The following MBNL1 variants were observed in gnomAD, a reference collection of about 807,000 sequenced individuals.
MBNL1 encodes muscleblind-like protein 1.
A neutral mutation model predicts 42.2 loss-of-function variants in MBNL1; 8 were observed. The ratio of observed to expected loss-of-function variants is 0.19; its 90% CI spans 0.11 to 0.34. The LOEUF (loss-of-function observed/expected upper bound fraction) is 0.34. MBNL1 is among the 10% of genes least tolerant of loss of function. MBNL1 has a pLI of 1.00. For missense variants in MBNL1, 309 were observed against 495.3 expected (o/e 0.62, Z 3.57); for synonymous variants, 169 against 173.9 (o/e 0.97, Z 0.22).
chr3:152,458,708 G>A (rs939378371), intron 8 of MBNL1: 1 of 154,832 alleles, frequency 6.5e-6, no homozygotes, highest in Non-Finnish European at 1.4e-5. Flanking sequence ...TAATTCTCTT[G>A]CCCATTTAAA....
At chr3:152,261,547 A>C (rs1283836829) in intron 2 of MBNL1, among the ~76,000 whole-genome samples, 1 of 152,128 alleles carries the variant, frequency 6.6e-6, no homozygotes, top group Non-Finnish European at 1.5e-5. Flanking sequence ...CCTTAGTGTG[A>C]ATGACTTTAA....
intron 2 of MBNL1, among the ~76,000 whole-genome samples, chr3:152,350,792 C>T (rs1025170262): frequency 3.9e-5 from 6 of 152,090 alleles, no homozygotes; most frequent in African/African-American, 1.4e-4. Flanking sequence ...CTTGGGTCCA[C>T]ACTCCTTTCT....
chr3:152,278,892 T>C (rs987110862), intron 1 of MBNL1, among the ~76,000 whole-genome samples: 3 of 152,050 alleles, frequency 2.0e-5, no homozygotes, highest in Non-Finnish European at 2.9e-5. Context: ...TGACATACAA[T>C]TGGGTTGAGG....
intron 2 of MBNL1, chr3:152,396,067 T>G (rs1052743232): frequency 5.6e-6 from 1 of 179,490 alleles, no homozygotes; most frequent in African/African-American, 2.4e-5. Context: ...CATAGGAGTG[T>G]GAACCCTATT....
At chr3:152,360,787 G>A (rs2153118450) in intron 2 of MBNL1, among the ~76,000 whole-genome samples, 1 of 152,160 alleles carries the variant, frequency 6.6e-6, no homozygotes, top group Middle Eastern at 3.4e-3. Context: ...TTAACATTTT[G>A]CTGACACTCT....
At position 152,390,603 on chromosome 3, in the gene MBNL1, G is replaced by T. The variant is rs114745136; in HGVS notation, c.175-24338G>T. ...CATGTATTTTGTACTGTACATAATTGTATTGTTATGCACACACACACACAC... is the reference window on the plus strand; with the variant it reads ...CATGTATTTTGTACTGTACATAATTTTATTGTTATGCACACACACACACAC... On this transcript the variant is annotated intron_variant, in intron 2 of 9. Transcript: ENST00000324210. Among the ~76,000 whole-genome samples the T allele has an allele frequency of 2.8e-3, 360 of 129,896 alleles. 1 individual carries two copies. Among genetic ancestry groups the T allele is most frequent in the African/African-American group, 0.01 (343 of 33,366 alleles). 85.2% of individuals were successfully genotyped at this position (129,896 alleles called of 152,430 possible). A position where few individuals can be genotyped will look rare whatever the true frequency, so the allele number is the denominator to read the frequency against.
intron 1 of MBNL1, among the ~76,000 whole-genome samples, chr3:152,286,056 G>A (rs956487361): frequency 6.6e-6 from 1 of 151,508 alleles, no homozygotes; most frequent in Non-Finnish European, 1.5e-5. Context: ...CTTTTTAAGG[G>A]GCATTATGTA....
At chr3:152,248,597 T>C (rs985288648) in intron 2 of MBNL1, among the ~76,000 whole-genome samples, 2 of 152,006 alleles carry the variant, frequency 1.3e-5, no homozygotes, top group African/African-American at 4.8e-5. Context: ...ATCTCTTATT[T>C]TTTTTTCAAA....
At chr3:152,451,767 T>C (rs1723465664) in intron 6 of MBNL1, among the ~76,000 whole-genome samples, 2 of 152,264 alleles carry the variant, frequency 1.3e-5, no homozygotes, top group African/African-American at 4.8e-5. Context: ...TACGTTTTAT[T>C]GAATGGTTGC....
At chr3:152,340,704 G>A (rs775621226) in intron 2 of MBNL1, 37 of 1,613,876 alleles carry the variant, frequency 2.3e-5, no homozygotes, top group East Asian at 1.3e-4. Context: ...AGATGTAAAC[G>A]GGAGAACTCA....
At chr3:152,306,203 A>G (rs994323060) in intron 2 of MBNL1, among the ~76,000 whole-genome samples, 2 of 152,190 alleles carry the variant, frequency 1.3e-5, no homozygotes, top group African/African-American at 4.8e-5. Context: ...CACAGAAGTG[A>G]TTTAGACATT....
At chr3:152,291,772 G>T (rs1219587781) in intron 1 of MBNL1, among the ~76,000 whole-genome samples, 4 of 151,938 alleles carry the variant, frequency 2.6e-5, no homozygotes, top group Admixed American at 6.6e-5. Flanking sequence ...ATTAGATGGG[G>T]TTTTTTTGTT....
At chr3:152,349,911 T>C (rs2094751059) in intron 2 of MBNL1, among the ~76,000 whole-genome samples, 1 of 152,094 alleles carries the variant, frequency 6.6e-6, no homozygotes. Context: ...ATAAGAAATA[T>C]AGGTGTTAAA....
intron 2 of MBNL1, among the ~76,000 whole-genome samples, chr3:152,383,849 T>C (rs2097292026): frequency 2.0e-5 from 3 of 152,078 alleles, no homozygotes. Context: ...GAGAAATTAA[T>C]TTCATCTTCC....
intron 4 of MBNL1, among the ~76,000 whole-genome samples, chr3:152,438,190 T>C (rs2099103932): frequency 6.6e-6 from 1 of 152,244 alleles, no homozygotes; most frequent in African/African-American, 2.4e-5. Context: ...TTCTCTCATT[T>C]ACTGAACGAT....
chr3:152,292,744 A>C (rs2056647927), intron 1 of MBNL1, among the ~76,000 whole-genome samples: 1 of 151,550 alleles, frequency 6.6e-6, no homozygotes. Context: ...CTATTCTTTA[A>C]ATCTTTTTTA....
chr3:152,419,940 T>A (rs889461333), intron 3 of MBNL1, among the ~76,000 whole-genome samples: 1 of 152,064 alleles, frequency 6.6e-6, no homozygotes, highest in Non-Finnish European at 1.5e-5. Flanking sequence ...TCCACCATAA[T>A]TGAGGCTTGA....
chr3:152,318,417 G>A (rs1372959508), intron 2 of MBNL1, among the ~76,000 whole-genome samples: 1 of 152,138 alleles, frequency 6.6e-6, no homozygotes, highest in Admixed American at 6.5e-5. Flanking sequence ...TAGAATTTTG[G>A]AGATTATATT....
intron 2 of MBNL1, among the ~76,000 whole-genome samples, chr3:152,385,726 T>G (rs527280514): frequency 6.6e-6 from 1 of 152,208 alleles, no homozygotes; most frequent in Admixed American, 6.5e-5. Context: ...AGAGTGATAC[T>G]GAAGTGGTGC....
Sources: gnomAD v4.1 joint callset for allele counts (sites outside exome capture counted in the v4.1 genomes callset) on GRCh38, gnomAD v4.1.1 for gene constraint, MANE v1.5 for transcripts, NCBI Gene and HGNC (gene_info 2026-07-23, HGNC 2026-07-21) for gene names.